The following TNFAIP8 variants were observed in gnomAD, a reference collection of about 807,000 sequenced individuals.
TNFAIP8 encodes the protein tumor necrosis factor alpha-induced protein 8.
TNFAIP8 carries 7 observed loss-of-function variants against 13.3 expected under a neutral mutation model. The ratio of observed to expected loss-of-function variants is 0.52; its 90% CI spans 0.30 to 0.99. The LOEUF (loss-of-function observed/expected upper bound fraction) is 0.99, where lower values mean the gene tolerates loss of function less well. Among genes scored for constraint, TNFAIP8 ranks in the 50% least tolerant of loss-of-function variants. The pLI is 0.07. For missense variants in TNFAIP8, 258 were observed against 236.9 expected, an observed-to-expected ratio of 1.09 and a Z score of -0.58; for synonymous variants, 94 against 87.6, an observed-to-expected ratio of 1.07 and a Z score of -0.41.
At chr5:119,304,040 C>T (rs535234691) in intron 1 of TNFAIP8, among the ~76,000 whole-genome samples, 42 of 152,248 alleles carry the variant, frequency 2.8e-4, no homozygotes, top group Middle Eastern at 3.4e-3. Flanking sequence ...GATCTTTCTA[C>T]GATACAGATC....
At chr5:119,276,827 C>T (rs1055938209) in intron 1 of TNFAIP8, among the ~76,000 whole-genome samples, 15 of 152,200 alleles carry the variant, frequency 9.9e-5, no homozygotes, top group African/African-American at 3.6e-4. Flanking sequence ...TTGGGTGGTA[C>T]ATTTCAGTCT....
chr5:119,365,657 G>A (rs796662330), intron 1 of TNFAIP8, among the ~76,000 whole-genome samples: 39 of 152,298 alleles, frequency 2.6e-4, no homozygotes, highest in African/African-American at 8.7e-4. Context: ...AAAGTTGTTT[G>A]ATAGCAAAAT....
chr5:119,350,990 G>A (rs1382138162), intron 1 of TNFAIP8, among the ~76,000 whole-genome samples: 2 of 126,482 alleles, frequency 1.6e-5, no homozygotes, highest in Non-Finnish European at 3.2e-5. Flanking sequence ...AGAGAGAGGG[G>A]TCTCACTCTG....
At chr5:119,298,555 C>G (rs1424423233) in intron 1 of TNFAIP8, among the ~76,000 whole-genome samples, 1 of 151,414 alleles carries the variant, frequency 6.6e-6, no homozygotes, top group African/African-American at 2.4e-5. Flanking sequence ...TCCTTCATTT[C>G]AACTTTGGTG....
chr5:119,352,129 GGGCCAGGGAGA>G (rs1199228824), upstream of TNFAIP8, among the ~76,000 whole-genome samples: 1 of 152,098 alleles, frequency 6.6e-6, no homozygotes, highest in Non-Finnish European at 1.5e-5. Context: ...CAAATAACCT[GGGCCAGGGAGA>G]GGCCATGGAG....
chr5:119,321,033 G>A (rs889910874), intron 1 of TNFAIP8, among the ~76,000 whole-genome samples: 1 of 152,170 alleles, frequency 6.6e-6, no homozygotes, highest in South Asian at 2.1e-4. Flanking sequence ...TGTTTAACAC[G>A]GTGAAACCCC....
At chr5:119,281,304 A>ACT (rs938040757) in intron 1 of TNFAIP8, among the ~76,000 whole-genome samples, 18 of 26,682 alleles carry the variant, frequency 6.7e-4, no homozygotes, top group African/African-American at 1.8e-3. Flanking sequence ...ACACACACAC[A>ACT]CACTCTCTCT....
chr5:119,269,438 GTGTGTGTGTGTGTA>G (rs1236776031), intron 1 of TNFAIP8, among the ~76,000 whole-genome samples: 2 of 151,876 alleles, frequency 1.3e-5, no homozygotes, highest in South Asian at 2.1e-4. Flanking sequence ...AAGAAAATGT[GTGTGTGTGTGTGTA>G]TGTGTGTGTG....
chr5:119,301,608 C>G (rs1042614576), intron 1 of TNFAIP8, among the ~76,000 whole-genome samples: 1 of 152,138 alleles, frequency 6.6e-6, no homozygotes, highest in Admixed American at 6.5e-5. Flanking sequence ...GAGTCTAGCA[C>G]GAGGTAGGCC....
intron 1 of TNFAIP8, among the ~76,000 whole-genome samples, chr5:119,293,402 G>A (rs73250810): frequency 0.01 from 1,547 of 152,178 alleles, 17 homozygotes; most frequent in African/African-American, 0.035. Context: ...ACTCATTTCT[G>A]AGTTCAGCTT....
intron 1 of TNFAIP8, among the ~76,000 whole-genome samples, chr5:119,338,402 C>G (rs1750630961): frequency 6.6e-6 from 1 of 152,170 alleles, no homozygotes; most frequent in African/African-American, 2.4e-5. Context: ...TACAGACCCC[C>G]TACCCCATCT....
rs193008699 is a variant in TNFAIP8, at chr5:119,342,495, G to A, written c.2-50321G>A. ...TATTCCTTCCTCAAAGCCACTTAAA[G>A]CTGTGCTAAATTTGCAGGGTTTTTT... is the stretch of plus-strand genomic sequence containing the variant. On this transcript the variant is annotated intron_variant, in intron 1 of 1. Coordinates refer to the TNFAIP8 transcript ENST00000274456. 3.9e-3 allele frequency among the ~76,000 whole-genome samples: 594 copies of A among 152,258 alleles called. 5 individuals carry two copies. The South Asian group carries it at 0.04, about 10-fold the overall frequency.
At chr5:119,277,694 G>GTT (rs1748500753) in intron 1 of TNFAIP8, among the ~76,000 whole-genome samples, 1 of 152,166 alleles carries the variant, frequency 6.6e-6, no homozygotes, top group Non-Finnish European at 1.5e-5. Context: ...TTGTACTGCT[G>GTT]TAACAAAATA....
At chr5:119,376,562 A>AC (rs57215520) in intron 1 of TNFAIP8, among the ~76,000 whole-genome samples, 15,041 of 129,146 alleles carry the variant, frequency 0.12, 1,184 homozygotes, top group African/African-American at 0.26. Flanking sequence ...TTGTCTTCCC[A>AC]CCCCCCCCGT....
intron 1 of TNFAIP8, among the ~76,000 whole-genome samples, chr5:119,277,184 C>T (rs1416622632): frequency 6.6e-6 from 1 of 152,046 alleles, no homozygotes; most frequent in African/African-American, 2.4e-5. Flanking sequence ...CTGTGGAAAC[C>T]GAGACCATAG....
chr5:119,370,994 G>T (rs908858996), intron 1 of TNFAIP8, among the ~76,000 whole-genome samples: 1 of 152,104 alleles, frequency 6.6e-6, no homozygotes, highest in East Asian at 1.9e-4. Context: ...TAAACTTAAT[G>T]GAAGAAAATT....
At chr5:119,345,740 G>T (rs1750876221) in intron 1 of TNFAIP8, among the ~76,000 whole-genome samples, 1 of 152,202 alleles carries the variant, frequency 6.6e-6, no homozygotes, top group African/African-American at 2.4e-5. Context: ...AGTGGGTACA[G>T]AGTTTCAGTT....
At chr5:119,355,770 G>T (rs906349576), upstream of TNFAIP8, 7 of 285,474 alleles carry the variant, frequency 2.5e-5, no homozygotes, top group Non-Finnish European at 4.0e-5. Flanking sequence ...GTCGGCTGCC[G>T]TCTGGGCCTG....
intron 1 of TNFAIP8, among the ~76,000 whole-genome samples, chr5:119,307,547 A>G (rs1029297059): frequency 1.3e-5 from 2 of 152,234 alleles, no homozygotes; most frequent in Non-Finnish European, 2.9e-5. Flanking sequence ...ATAGATGCAT[A>G]TAGTTAAGCA....
Sources: gnomAD v4.1 joint callset for allele counts (sites outside exome capture counted in the v4.1 genomes callset) on GRCh38, gnomAD v4.1.1 for gene constraint, MANE v1.5 for transcripts, NCBI Gene and HGNC (gene_info 2026-07-23, HGNC 2026-07-21) for gene names.